ADAMTSL1: variants seen among roughly 807,000 people sequenced by gnomAD.
The protein encoded by ADAMTSL1 is ADAMTS-like protein 1.
In ADAMTSL1, 126 loss-of-function variants were observed where a neutral mutation model predicts 201.8. The ratio of observed to expected loss-of-function variants is 0.62; its 90% CI spans 0.54 to 0.72. The LOEUF (loss-of-function observed/expected upper bound fraction) is 0.72, where lower values mean the gene tolerates loss of function less well. Ranked by LOEUF, ADAMTSL1 falls within the 30% of genes least tolerant of loss-of-function variation. ADAMTSL1 has a pLI of 0.00. For missense variants in ADAMTSL1, 2,679 were observed against 2,277.8 expected (o/e 1.18, Z -3.59); for synonymous variants, 1,121 against 903.4 (o/e 1.24, Z -4.32).
intron 2 of ADAMTSL1, among the ~76,000 whole-genome samples, chr9:18,266,547 T>C (rs1422841775): frequency 6.6e-6 from 1 of 152,210 alleles, no homozygotes; most frequent in Non-Finnish European, 1.5e-5. Context: ...TTCCTGTCGA[T>C]GAGCTCTGGG....
chr9:18,163,439 G>A (rs1483869695), intron 1 of ADAMTSL1, among the ~76,000 whole-genome samples: 1 of 151,984 alleles, frequency 6.6e-6, no homozygotes, highest in Admixed American at 6.6e-5. Flanking sequence ...TTCTTATGTG[G>A]TAAATATTTA....
At chr9:18,580,894 A>G (rs1046146863) in intron 4 of ADAMTSL1, among the ~76,000 whole-genome samples, 2 of 152,154 alleles carry the variant, frequency 1.3e-5, no homozygotes, top group Non-Finnish European at 2.9e-5. Flanking sequence ...CTCACTGTAA[A>G]TGGGGACCTC....
intron 1 of ADAMTSL1, among the ~76,000 whole-genome samples, chr9:17,952,119 CTT>C (rs541405219): frequency 7.9e-5 from 11 of 139,672 alleles, no homozygotes; most frequent in Admixed American, 1.4e-4. Flanking sequence ...TTCTTTCTTT[CTT>C]TTTTTTTTTT....
At chr9:18,569,407 T>C (rs1258214274) in intron 3 of ADAMTSL1, among the ~76,000 whole-genome samples, 1 of 152,174 alleles carries the variant, frequency 6.6e-6, no homozygotes, top group African/African-American at 2.4e-5. Flanking sequence ...ATTCGTGGGA[T>C]CATGTTATTA....
chr9:18,890,903 G>T, intron 25 of ADAMTSL1: 1 of 250,858 alleles, frequency 4.0e-6, no homozygotes. Flanking sequence ...ATTTGGTGAT[G>T]GTCAGAGTCA....
At chr9:18,899,133 G>A (rs531365021) in intron 26 of ADAMTSL1, among the ~76,000 whole-genome samples, 31 of 152,132 alleles carry the variant, frequency 2.0e-4, no homozygotes, top group African/African-American at 6.7e-4. Context: ...AAAAATTGCT[G>A]GCATTCCTAT....
chr9:18,051,894 G>C (rs377183816), intron 1 of ADAMTSL1, among the ~76,000 whole-genome samples: 57 of 152,310 alleles, frequency 3.7e-4, no homozygotes, highest in Middle Eastern at 3.4e-3. Context: ...ACTTTGGTTT[G>C]TGCTCTGTTT....
intron 2 of ADAMTSL1, among the ~76,000 whole-genome samples, chr9:18,531,792 G>A (rs926147827): frequency 2.6e-5 from 4 of 152,228 alleles, no homozygotes; most frequent in Non-Finnish European, 4.4e-5. Context: ...CTCTGTGGAC[G>A]TTTATTGAAT....
chr9:18,683,536 CATTTACTGG>C (rs1587889280), intron 12 of ADAMTSL1, among the ~76,000 whole-genome samples: 3 of 152,140 alleles, frequency 2.0e-5, no homozygotes, highest in Admixed American at 1.3e-4. Context: ...CCGACTGAGT[CATTTACTGG>C]GATAGTTGGA....
chr9:18,548,973 A>C (rs984263465), intron 3 of ADAMTSL1, among the ~76,000 whole-genome samples: 1 of 151,948 alleles, frequency 6.6e-6, no homozygotes, highest in Non-Finnish European at 1.5e-5. Flanking sequence ...ATTCCAAAAT[A>C]TATAATACAA....
At chr9:17,940,712 C>CA (rs60466124) in intron 1 of ADAMTSL1, among the ~76,000 whole-genome samples, 1,471 of 88,568 alleles carry the variant, frequency 0.017, 13 homozygotes, top group African/African-American at 0.038. Context: ...GCATAACGTG[C>CA]AAAAAAAAAA....
At chr9:18,767,929 T>C (rs1820459583) in intron 16 of ADAMTSL1, among the ~76,000 whole-genome samples, 1 of 152,204 alleles carries the variant, frequency 6.6e-6, no homozygotes, top group Admixed American at 6.5e-5. Flanking sequence ...GAAAAGCCCT[T>C]AGAAGGAGCT....
chr9:18,225,876 CA>C (rs1830417919), intron 2 of ADAMTSL1, among the ~76,000 whole-genome samples: 1 of 152,176 alleles, frequency 6.6e-6, no homozygotes, highest in Admixed American at 6.6e-5. Context: ...ATTAAAATAA[CA>C]AAAGTCTTTG....
chr9:18,753,424 G>C lies in ADAMTSL1; in HGVS notation c.2133G>C (p.Leu711=). 2 of 1,613,408 alleles carry C rather than the reference G, an allele frequency of 1.2e-6. No homozygotes were observed. Among genetic ancestry groups the C allele is most frequent in the East Asian group, 4.5e-5 (2 of 44,842 alleles). ...AAACAGTCATCCTGGCTGATGAGCT[G>C]TGTCGCCAGCCCAAGCCCAGCACGG... ...MNETVILADE[L]CRQPKPSTVQ... Residue 711 remains leucine, a synonymous_variant, in exon 16 of 29, where the codon CTG becomes CTC. Coordinates refer to ENST00000380548, the MANE Select transcript of ADAMTSL1 (RefSeq NM_001040272.6).
Position 18,892,389 on chromosome 9 carries a change from G to A in ADAMTSL1, c.4644G>A (p.Arg1548=). The A allele has an allele frequency of 6.2e-7, 1 of 1,611,544 alleles. No homozygotes were observed. Among genetic ancestry groups the A allele is most frequent in the Non-Finnish European group, 8.5e-7 (1 of 1,179,178 alleles). The change falls in exon 26 of 29, where the codon CGG becomes CGA. Residue 1548 remains arginine (R), a splice_region_variant and synonymous_variant. Transcript: ENST00000380548. ...TCCTGACACTTCTTCCTCTCCCCAGGTGGATGGTGACCTCCTGGTCTGCCT... is the reference window on the plus strand; with the variant it reads ...TCCTGACACTTCTTCCTCTCCCCAGATGGATGGTGACCTCCTGGTCTGCCT... ...IACNRRDCPS[R]WMVTSWSACT...
intron 20 of ADAMTSL1, among the ~76,000 whole-genome samples, chr9:18,796,099 A>T (rs1822402252): frequency 1.3e-5 from 2 of 152,220 alleles, no homozygotes; most frequent in African/African-American, 4.8e-5. Flanking sequence ...ACTTAAGAAC[A>T]TTGCAACTCA....
chr9:18,406,941 G>T (rs1178001693), intron 2 of ADAMTSL1, among the ~76,000 whole-genome samples: 1 of 152,130 alleles, frequency 6.6e-6, no homozygotes, highest in Non-Finnish European at 1.5e-5. Flanking sequence ...AATTGAATTT[G>T]AGAATAAATG....
rs1360582822 is a variant in ADAMTSL1, at chr9:18,068,374, C to T, written c.88-95488C>T. On this transcript the variant is annotated intron_variant, in intron 1 of 29. Transcript: ENST00000680146. Reference sequence around the variant, plus strand: ...TACAGTGTATCAACTATTTACATAGCATTTACCTTGAATTAGGTATTATAA... The same window carrying T: ...TACAGTGTATCAACTATTTACATAGTATTTACCTTGAATTAGGTATTATAA... Among the ~76,000 whole-genome samples the T allele has an allele frequency of 4.6e-5, 7 of 152,128 alleles. No individual in the cohort carries two copies. In the South Asian group the frequency reaches 6.2e-4, roughly 13 times the overall value.
intron 2 of ADAMTSL1, among the ~76,000 whole-genome samples, chr9:18,317,535 G>C (rs1834453781): frequency 6.6e-6 from 1 of 152,068 alleles, no homozygotes. Context: ...GTACACCTTG[G>C]ATATATATAA....
Sources: gnomAD v4.1 joint callset for allele counts (sites outside exome capture counted in the v4.1 genomes callset) on GRCh38, gnomAD v4.1.1 for gene constraint, MANE v1.5 for transcripts, NCBI Gene and HGNC (gene_info 2026-07-23, HGNC 2026-07-21) for gene names.